Variants in PAN3 observed in about 807,000 individuals in gnomAD.
PAN3 encodes the protein PAN2-PAN3 deadenylation complex subunit PAN3.
A neutral mutation model predicts 96.2 loss-of-function variants in PAN3; 19 were observed. The ratio of observed to expected loss-of-function variants is 0.20; its 90% confidence interval spans 0.14 to 0.29. The LOEUF is 0.29. Among genes scored for constraint, PAN3 ranks in the 10% least tolerant of loss-of-function variants. The pLI is 1.00. For synonymous variants in PAN3, 433 were observed against 406.6 expected (o/e 1.06, Z -0.78); for missense variants, 882 against 1,108.1 (o/e 0.80, Z 2.90).
chr13:28,239,736 C>T (rs1337296208), intron 6 of PAN3: 3 of 1,148,890 alleles, frequency 2.6e-6, no homozygotes, highest in Non-Finnish European at 3.5e-6. Flanking sequence ...AGTTCAGCAA[C>T]TTTTAATTCC....
At chr13:28,229,381 T>C (rs975442907) in intron 6 of PAN3, among the ~76,000 whole-genome samples, 4 of 152,174 alleles carry the variant, frequency 2.6e-5, no homozygotes, top group Admixed American at 6.5e-5. Context: ...ACTTTATATT[T>C]TCCAAAATTT....
chr13:28,153,031 C>G (rs965669187), intron 1 of PAN3, among the ~76,000 whole-genome samples: 8 of 152,016 alleles, frequency 5.3e-5, no homozygotes, highest in Non-Finnish European at 8.8e-5. Flanking sequence ...TATGGAAACA[C>G]AGGATATATG....
intron 17 of PAN3, among the ~76,000 whole-genome samples, chr13:28,287,533 A>G (rs188554752): frequency 5.3e-4 from 80 of 152,298 alleles, no homozygotes; most frequent in Admixed American, 2.6e-3. Flanking sequence ...CTGGTTCTTC[A>G]CAGCTTGTTT....
rs1299358104 is a variant in PAN3, at chr13:28,266,741, C to T, written c.1438C>T (p.His480Tyr). The part of the protein sequence containing the change: ...PAVPTEVDSY[H>Y]SLFPLEPLPP... ...AGTTCCTACAGAGGTTGACAGCTAC[C>T]ATAGCCTATTCCCTCTAGAACCACT... Residue 480 changes from histidine to tyrosine, a missense_variant, in exon 10 of 19, where the codon CAT (histidine) becomes TAT (tyrosine). This residue lies in a region of PAN3 where 364 missense variants were observed against 513.6 expected (regional missense o/e 0.71). Transcript: ENST00000380958. 6.2e-7 allele frequency: 1 copy of T among 1,602,100 alleles called. No homozygotes were observed. The highest frequency in any genetic ancestry group is 8.5e-7 in the Non-Finnish European group (1 of 1,174,866).
intron 4 of PAN3, among the ~76,000 whole-genome samples, chr13:28,179,036 G>GT (rs1875423679): frequency 6.6e-6 from 1 of 152,152 alleles, no homozygotes. Context: ...TGTACCTAAT[G>GT]TTATTTCCAT....
intron 6 of PAN3, among the ~76,000 whole-genome samples, chr13:28,245,531 T>A (rs1344416306): frequency 6.6e-6 from 1 of 152,162 alleles, no homozygotes; most frequent in Non-Finnish European, 1.5e-5. Flanking sequence ...GAGATATAAT[T>A]CACATACCAT....
chr13:28,208,243 T>A (rs561121919), intron 5 of PAN3, among the ~76,000 whole-genome samples: 34 of 152,300 alleles, frequency 2.2e-4, no homozygotes, highest in African/African-American at 7.2e-4. Context: ...TATATGGCTA[T>A]GGATAGAAGA....
chr13:28,180,443 C>CA (rs1875622480), intron 4 of PAN3, among the ~76,000 whole-genome samples: 1 of 152,058 alleles, frequency 6.6e-6, no homozygotes, highest in Non-Finnish European at 1.5e-5. Context: ...TTTCAAATCT[C>CA]AAAATCTCTT....
At chr13:28,281,475 A>G in intron 17 of PAN3, 96 bp downstream of exon 17, 2 of 1,138,986 alleles carry the variant, frequency 1.8e-6, no homozygotes, top group Admixed American at 2.3e-5. Flanking sequence ...GAAAAAGAGA[A>G]AAATTCTCAT....
At chr13:28,251,875 G>GGTTTGTTTGTTT (rs3029488) in intron 6 of PAN3, among the ~76,000 whole-genome samples, 3 of 150,232 alleles carry the variant, frequency 2.0e-5, no homozygotes, top group African/African-American at 7.4e-5. Context: ...TCTTGGGGTT[G>GGTTTGTTTGTTT]GTTTGTTTGT....
intron 5 of PAN3, among the ~76,000 whole-genome samples, chr13:28,203,725 C>A (rs1186965335): frequency 6.6e-6 from 1 of 152,058 alleles, no homozygotes; most frequent in East Asian, 1.9e-4. Flanking sequence ...ATTTTTTAAT[C>A]TTTTAAGCCT....
chr13:28,225,157 A>T (rs1881860867), intron 6 of PAN3, among the ~76,000 whole-genome samples: 2 of 152,266 alleles, frequency 1.3e-5, no homozygotes, highest in African/African-American at 4.8e-5. Context: ...TGGTGGGTAA[A>T]ATTGGCTAAT....
intron 17 of PAN3, among the ~76,000 whole-genome samples, chr13:28,284,279 A>G (rs1389565596): frequency 1.3e-5 from 2 of 151,780 alleles, no homozygotes; most frequent in East Asian, 1.9e-4. Flanking sequence ...ATCCATTCTT[A>G]TGTCCTGTTC....
At chr13:28,291,245 ATTATG>A (rs1869709220) in intron 18 of PAN3, among the ~76,000 whole-genome samples, 1 of 152,206 alleles carries the variant, frequency 6.6e-6, no homozygotes, top group Non-Finnish European at 1.5e-5. Context: ...ATTTTAATGA[ATTATG>A]TATCAATTAA....
Position 28,271,996 on chromosome 13 carries a change from T to G in PAN3, c.1974T>G (p.Cys658Trp). The change falls in exon 14 of 19, where the codon TGT becomes TGG. Residue 658 changes from cysteine (C) to tryptophan (W), a missense_variant. By Grantham distance (215) the Cys-to-Trp change is radical. This residue lies in a region of PAN3 where 364 missense variants were observed against 513.6 expected (regional missense o/e 0.71). Coordinates refer to ENST00000380958, the MANE Select transcript of PAN3 (RefSeq NM_175854.8). ...GTCCTTAAAGGTTGCGAGTAAATTG[T>G]GTTGGAGTTTTTGATGTTTTAACAT... Reference protein sequence around the residue: ...ITGKTRLRVNCVGVFDVLTFD... With the variant: ...ITGKTRLRVNWVGVFDVLTFD... 1 of 1,581,266 alleles carries G rather than the reference T, an allele frequency of 6.3e-7. No individual in the cohort carries two copies. The highest frequency in any genetic ancestry group is 1.2e-5 in the South Asian group (1 of 85,952).
intron 4 of PAN3, among the ~76,000 whole-genome samples, chr13:28,194,474 T>A (rs1454823565): frequency 2.2e-4 from 30 of 135,878 alleles, no homozygotes; most frequent in African/African-American, 8.1e-4. Flanking sequence ...ATATTTTTTT[T>A]TTTTTTTTTT....
chr13:28,143,635 A>G (rs1320023605), intron 1 of PAN3, among the ~76,000 whole-genome samples: 1 of 152,200 alleles, frequency 6.6e-6, no homozygotes, highest in African/African-American at 2.4e-5. Flanking sequence ...TGGAGATGTT[A>G]TGAAAATTGC....
intron 14 of PAN3, among the ~76,000 whole-genome samples, chr13:28,273,338 A>C (rs973550126): frequency 6.6e-6 from 1 of 152,194 alleles, no homozygotes; most frequent in African/African-American, 2.4e-5. Flanking sequence ...GTGGTGGCTC[A>C]CACCTGTAAT....
chr13:28,270,996 T>C, intron 13 of PAN3, 130 bp downstream of exon 13: 2 of 1,001,686 alleles, frequency 2.0e-6, no homozygotes, highest in Non-Finnish European at 2.9e-6. Context: ...TAACTTTGAA[T>C]TCATTTGTAA....
Sources: allele counts gnomAD v4.1 joint callset (sites outside exome capture counted in the v4.1 genomes callset), GRCh38; gene constraint gnomAD v4.1.1; regional missense constraint gnomAD v4.1.1; transcripts MANE v1.5; gene names NCBI Gene and HGNC (gene_info 2026-07-23, HGNC 2026-07-21).